The following PPM1L variants were observed in gnomAD, a reference collection of about 807,000 sequenced individuals.
The protein encoded by PPM1L is protein phosphatase, Mg2+/Mn2+ dependent 1L.
In PPM1L, 13 loss-of-function variants were observed where a neutral mutation model predicts 31.4. That is an observed-to-expected ratio of 0.41 (90% CI 0.27 to 0.66). The LOEUF is 0.66. Among genes scored for constraint, PPM1L ranks in the 30% least tolerant of loss-of-function variants. The probability of loss-of-function intolerance (pLI) is 0.29; values close to 1 mark genes in which losing one functional copy is unlikely to be tolerated. For synonymous variants in PPM1L, 184 were observed against 175.4 expected, an observed-to-expected ratio of 1.05 and a Z score of -0.39; for missense variants, 326 against 453.7, an observed-to-expected ratio of 0.72 and a Z score of 2.56.
rs1041054389 is a variant in PPM1L at position 160,876,783 on chromosome 3, C to T, written c.400-84953C>T. ...TGGAGCACCATATTGTGGGTGGCCA[C>T]GTGGGGGTGGTCATTTTCCCTAATG... On this transcript the variant is annotated intron_variant, in intron 1 of 3. Coordinates refer to ENST00000498165, the MANE Select transcript of PPM1L (RefSeq NM_139245.4). 8.5e-5 allele frequency among the ~76,000 whole-genome samples: 13 copies of T among 152,192 alleles called. 1 individual carries two copies. Among genetic ancestry groups the T allele is most frequent in the Admixed American group, 4.6e-4 (7 of 15,290 alleles).
chr3:160,845,444 T>C (rs1357697479), intron 1 of PPM1L, among the ~76,000 whole-genome samples: 4 of 152,082 alleles, frequency 2.6e-5, no homozygotes, highest in Non-Finnish European at 4.4e-5. Context: ...CTTTGGGTTG[T>C]GTTTTCATCT....
rs1199923585 is a variant in PPM1L, at chr3:160,987,161, G to A, written c.574+25251G>A. ...TCATGTACAAGTAGTGTAGCAGTGG[G>A]CCACAGGACTAGAAAGGTATGCTGG... On this transcript the variant is annotated intron_variant, in intron 2 of 3. Coordinates refer to ENST00000498165, the MANE Select transcript of PPM1L (RefSeq NM_139245.4). 3.9e-5 allele frequency among the ~76,000 whole-genome samples: 6 copies of A among 152,304 alleles called. No homozygotes were observed. The East Asian group carries it at 9.6e-4, about 24-fold the overall frequency.
intron 1 of PPM1L, among the ~76,000 whole-genome samples, chr3:160,908,339 A>C (rs1478926397): frequency 6.6e-6 from 1 of 151,310 alleles, no homozygotes; most frequent in African/African-American, 2.4e-5. Context: ...CCAAGAAGGA[A>C]TATGCATCCT....
intron 2 of PPM1L, among the ~76,000 whole-genome samples, chr3:160,965,015 G>A (rs1167790421): frequency 1.3e-5 from 2 of 152,052 alleles, no homozygotes; most frequent in Non-Finnish European, 2.9e-5. Flanking sequence ...ACTTTGGGAG[G>A]CCGAGGTGGG....
In PPM1L at chr3:160,825,708, G is replaced by A. The variant is rs182735670; in HGVS notation, c.399+69001G>A. On this transcript the variant is annotated intron_variant, in intron 1 of 3. Coordinates refer to ENST00000498165, the MANE Select transcript of PPM1L (RefSeq NM_139245.4). ...GAAGAAAGATAAGAATGACTTTACC[G>A]TTAAAACAGTGTCAGATTTGACAAT... Among the ~76,000 whole-genome samples, 582 of 152,224 alleles carry A rather than the reference G, an allele frequency of 3.8e-3. 8 individuals carry two copies. The highest frequency in any genetic ancestry group is 0.013 in the African/African-American group (543 of 41,560).
chr3:160,997,522 A>C (rs755748205), intron 2 of PPM1L, among the ~76,000 whole-genome samples: 58 of 152,172 alleles, frequency 3.8e-4, no homozygotes, highest in Non-Finnish European at 6.9e-4. Flanking sequence ...GAATTTTTTT[A>C]CGAGACTCAG....
At chr3:160,863,052 C>T (rs1188061679) in intron 1 of PPM1L, among the ~76,000 whole-genome samples, 1 of 152,150 alleles carries the variant, frequency 6.6e-6, no homozygotes, top group Non-Finnish European at 1.5e-5. Flanking sequence ...CGACACAATA[C>T]CTGTGTGGCT....
chr3:160,909,137 A>T (rs1033637721), intron 1 of PPM1L, among the ~76,000 whole-genome samples: 5 of 152,154 alleles, frequency 3.3e-5, no homozygotes, highest in Admixed American at 3.3e-4. Context: ...GTTTTTGTAA[A>T]GGGGAGATAA....
chr3:160,979,855 C>G (rs560061469), intron 2 of PPM1L, among the ~76,000 whole-genome samples: 1 of 152,010 alleles, frequency 6.6e-6, no homozygotes, highest in Non-Finnish European at 1.5e-5. Flanking sequence ...TTCAATAAAA[C>G]TTTTCATCCT....
chr3:160,900,388 T>C (rs1713498779), intron 1 of PPM1L, among the ~76,000 whole-genome samples: 1 of 152,252 alleles, frequency 6.6e-6, no homozygotes, highest in East Asian at 1.9e-4. Flanking sequence ...TATTGATTTT[T>C]TAAAAATGCT....
intron 2 of PPM1L, among the ~76,000 whole-genome samples, chr3:160,968,497 G>A (rs1018484222): frequency 1.8e-4 from 27 of 152,168 alleles, no homozygotes; most frequent in African/African-American, 6.0e-4. Context: ...AATACCAAGA[G>A]AGGGAATCTT....
intron 2 of PPM1L, among the ~76,000 whole-genome samples, chr3:160,967,938 A>G (rs1455314360): frequency 6.6e-6 from 1 of 152,034 alleles, no homozygotes; most frequent in Non-Finnish European, 1.5e-5. Flanking sequence ...ACAATGGAAC[A>G]CTCAAATAGC....
chr3:160,963,662 G>A (rs1183377035), intron 2 of PPM1L, among the ~76,000 whole-genome samples: 3 of 151,978 alleles, frequency 2.0e-5, no homozygotes, highest in Admixed American at 2.0e-4. Context: ...GAAGAGAAGG[G>A]GGATGCATTC....
intron 1 of PPM1L, among the ~76,000 whole-genome samples, chr3:160,826,985 G>C (rs537875654): frequency 6.6e-6 from 1 of 152,206 alleles, no homozygotes; most frequent in East Asian, 1.9e-4. Context: ...AAAGCAGGGG[G>C]AAAGAAAGGA....
intron 2 of PPM1L, among the ~76,000 whole-genome samples, chr3:160,967,774 C>G (rs1202612160): frequency 6.6e-6 from 1 of 151,948 alleles, no homozygotes; most frequent in Non-Finnish European, 1.5e-5. Flanking sequence ...CCAAAAGATC[C>G]AGATTCTATT....
intron 1 of PPM1L, among the ~76,000 whole-genome samples, chr3:160,879,212 C>CA: frequency 6.6e-6 from 1 of 151,638 alleles, no homozygotes; most frequent in East Asian, 1.9e-4. Context: ...GAAATGCTAC[C>CA]TTTTTTTTTC....
chr3:160,865,213 T>C (rs182848855), intron 1 of PPM1L, among the ~76,000 whole-genome samples: 49 of 152,204 alleles, frequency 3.2e-4, no homozygotes, highest in African/African-American at 1.2e-3. Flanking sequence ...TCTAGAAAGA[T>C]AAAGTCTCAG....
intron 1 of PPM1L, among the ~76,000 whole-genome samples, chr3:160,824,575 C>T (rs1268186724): frequency 1.3e-5 from 2 of 152,122 alleles, no homozygotes; most frequent in African/African-American, 4.8e-5. Flanking sequence ...CGTGGCTCCT[C>T]ACCTGACAGT....
intron 2 of PPM1L, among the ~76,000 whole-genome samples, chr3:161,025,715 G>A (rs1307846880): frequency 6.6e-5 from 10 of 152,104 alleles, no homozygotes; most frequent in Non-Finnish European, 1.5e-5. Flanking sequence ...CCAGAACTGT[G>A]AGAAAATTAA....
Sources: allele counts gnomAD v4.1 joint callset (sites outside exome capture counted in the v4.1 genomes callset), GRCh38; gene constraint gnomAD v4.1.1; transcripts MANE v1.5; gene names NCBI Gene and HGNC (gene_info 2026-07-23, HGNC 2026-07-21).